The following CLCN2 variants were observed in gnomAD, a reference collection of about 807,000 sequenced individuals.
The protein encoded by CLCN2 is chloride voltage-gated channel 2, also known as chloride channel protein 2.
A neutral mutation model predicts 108.3 loss-of-function variants in CLCN2; 72 were observed. That is an observed-to-expected ratio of 0.66 (90% CI 0.55 to 0.81). The LOEUF is 0.81. Among genes scored for constraint, CLCN2 ranks in the 30% least tolerant of loss-of-function variants. The pLI is 0.00. For missense variants in CLCN2, 1,048 were observed against 1,205.2 expected (o/e 0.87, Z 1.93); for synonymous variants, 471 against 467.1 (o/e 1.01, Z -0.11).
At position 184,346,867 on chromosome 3, in the gene CLCN2, G is replaced by A; in HGVS notation, c.2503-67C>T. The A allele has an allele frequency of 6.2e-7, 1 of 1,611,638 alleles. No homozygotes were observed. The highest frequency in any genetic ancestry group is 8.5e-7 in the Non-Finnish European group (1 of 1,177,744). ...GACTCCTCCCCGCCTTCCTCCCCAG[G>A]TGAGCTGGACATAAGCCTCCATGAC... On this transcript the variant is annotated intron_variant, in intron 23 of 23. Coordinates refer to ENST00000265593, the MANE Select transcript of CLCN2 (RefSeq NM_004366.6). This position sits in a 1 kb window ranked among gnomAD's most constrained non-coding sequence, Gnocchi z 6.0.
At chr3:184,349,745 G>A (rs1727957314) in intron 22 of CLCN2, among the ~76,000 whole-genome samples, 2 of 152,148 alleles carry the variant, frequency 1.3e-5, no homozygotes, top group Non-Finnish European at 2.9e-5. Context: ...TTTACAGATC[G>A]GGAAAGTGAA....
At chr3:184,351,422 G>A (rs879739467) in intron 22 of CLCN2, among the ~76,000 whole-genome samples, 6 of 152,110 alleles carry the variant, frequency 3.9e-5, no homozygotes, top group African/African-American at 7.2e-5. Context: ...GTTCCTCGCC[G>A]CATTTCTGCA....
chr3:184,351,389 G>A (rs998881625), intron 22 of CLCN2, among the ~76,000 whole-genome samples: 2 of 152,066 alleles, frequency 1.3e-5, no homozygotes, highest in Admixed American at 6.5e-5. Flanking sequence ...GGTCTGCCTC[G>A]CCCACCCCAG....
intron 14 of CLCN2, 107 bp downstream of exon 14, chr3:184,354,441 T>C: frequency 7.6e-7 from 1 of 1,319,904 alleles, no homozygotes; most frequent in Non-Finnish European, 1.1e-6. Context: ...CCTGTGCATC[T>C]GAGGGAAGCC....
Position 184,352,006 on chromosome 3 carries a change from G to C in CLCN2, c.2415+7C>G. 6.2e-7 allele frequency: 1 copy of C among 1,608,294 alleles called. No homozygotes were observed. The highest frequency in any genetic ancestry group is 8.5e-7 in the Non-Finnish European group (1 of 1,175,280). ...AGACCAGCCCTGGGCCAGGCTGCTG[G>C]CCCTACCTTGTGCAAAGAGGTCCGC... is the stretch of plus-strand genomic sequence containing the variant. On this transcript the variant is annotated splice_region_variant and intron_variant, in intron 22 of 23. Transcript: ENST00000265593.
rs1386502821 is a variant in CLCN2 at position 184,358,652 on chromosome 3, AG to A, written c.352+29del. On this transcript the variant is annotated intron_variant, in intron 3 of 23. Transcript: ENST00000265593. Reference sequence around the variant, plus strand: ...GCATGGACGCAGGAGGTTTATTCCCAGTCCTCCCCCTGCCAGCTGTCACCCT... The same window carrying A: ...GCATGGACGCAGGAGGTTTATTCCCATCCTCCCCCTGCCAGCTGTCACCCT... The A allele has an allele frequency of 1.9e-6, 3 of 1,557,228 alleles. No individual in the cohort carries two copies. In the African/African-American group the frequency reaches 4.1e-5, roughly 21 times the overall value.
chr3:184,353,568 G>A (rs1728298901), intron 16 of CLCN2, 94 bp downstream of exon 16: 2 of 1,575,728 alleles, frequency 1.3e-6, no homozygotes, highest in South Asian at 1.1e-5. Context: ...CATTCCCTTT[G>A]GAACCAAGGA....
At chr3:184,352,408 T>C (rs1728178836) in intron 20 of CLCN2, 35 bp downstream of exon 20, 1 of 1,612,986 alleles carries the variant, frequency 6.2e-7, no homozygotes, top group Non-Finnish European at 8.5e-7. Context: ...CCCTGCCCGG[T>C]GCCGCCGAGA....
intron 1 of CLCN2, among the ~76,000 whole-genome samples, chr3:184,359,427 G>A (rs1197003968): frequency 1.3e-5 from 2 of 152,192 alleles, no homozygotes; most frequent in African/African-American, 2.4e-5. Context: ...GAGTGAGAGG[G>A]AAGCCCCAGA....
rs1728589184 is a variant in CLCN2, at chr3:184,356,837, A to G, written c.1085+156T>C. The stretch of plus-strand genomic sequence containing the variant: ...CAATTTTCAGGTAATTCATATGAAT[A>G]TAAAAATGCTCAGTCAGCCTGGAAA... On this transcript the variant is annotated intron_variant, in intron 10 of 23. Transcript: ENST00000265593. The G allele has an allele frequency of 9.0e-6, 6 of 666,314 alleles. No individual in the cohort carries two copies. In the South Asian group the frequency reaches 9.8e-5, roughly 11 times the overall value. The allele number at this position is 666,314 out of a possible 1,614,324, so 41.3% of individuals were successfully genotyped here. A position where few individuals can be genotyped will look rare whatever the true frequency, so the allele number is the denominator to read the frequency against.
chr3:184,349,002 C>T (rs1003935754), intron 22 of CLCN2: 1 of 152,202 alleles, frequency 6.6e-6, no homozygotes, highest in Non-Finnish European at 1.5e-5. Context: ...ACAGCCCAGA[C>T]TCCCTAGAAG....
rs1411066563 is a variant in CLCN2 at position 184,361,578 on chromosome 3, G to A, written c.-99C>T. 7.3e-6 allele frequency: 10 copies of A among 1,376,174 alleles called. No individual in the cohort carries two copies. Among genetic ancestry groups the A allele is most frequent in the Admixed American group, 3.7e-5 (2 of 53,430 alleles). The allele number at this position is 1,376,174 out of a possible 1,614,324, so 85.2% of individuals were successfully genotyped here. ...CCGCGCCGGCAGCCGTCCCGTCCCC[G>A]CAGCCCGGGAGGCCGAGAGCAGAGT... is the stretch of plus-strand genomic sequence containing the variant. On this transcript the variant is annotated 5_prime_UTR_variant, in exon 1 of 24. Coordinates refer to ENST00000265593, the MANE Select transcript of CLCN2 (RefSeq NM_004366.6). The surrounding 1 kb of genome is among the most constrained non-coding windows in gnomAD (Gnocchi z 6.6).
intron 7 of CLCN2, 24 bp from the exon 8 acceptor site, chr3:184,357,511 A>G: frequency 6.2e-7 from 1 of 1,614,136 alleles, no homozygotes; most frequent in Non-Finnish European, 8.5e-7. Context: ...GGAGACCAGC[A>G]CTTGAGGCCT....
chr3:184,354,843 G>C (rs916266541), intron 13 of CLCN2, 61 bp downstream of exon 13: 11 of 1,533,842 alleles, frequency 7.2e-6, no homozygotes, highest in Admixed American at 3.3e-5. Flanking sequence ...AGGGTTGGCT[G>C]GGGGGGTGGC....
intron 1 of CLCN2, among the ~76,000 whole-genome samples, chr3:184,360,113 T>G: frequency 6.7e-6 from 1 of 148,768 alleles, no homozygotes; most frequent in Middle Eastern, 3.4e-3. Flanking sequence ...GGCGAAGGGA[T>G]GGAGAAGAGA....
chr3:184,354,305 G>A lies in CLCN2; in HGVS notation c.1517C>T (p.Ala506Val), dbSNP rs769768770. The change falls in exon 15 of 24, where the codon GCG (alanine) becomes GTG (valine). Residue 506 changes from alanine (A) to valine (V), a missense_variant. By Grantham distance (64) the Ala-to-Val change is moderately conservative (BLOSUM62 0). Coordinates refer to ENST00000265593, the MANE Select transcript of CLCN2 (RefSeq NM_004366.6). ...PGGYAVVGAA[A>V]LAGAVTHTVS... ...TGTGTGTGTCACCGCTCCTGCCAGC[G>A]CAGCTGCCCCTGGGGACAGTCACAC... 23 of 1,612,912 alleles carry A rather than the reference G, an allele frequency of 1.4e-5. No individual in the cohort carries two copies. The highest frequency in any genetic ancestry group is 2.7e-5 in the African/African-American group (2 of 74,872).
In CLCN2 at chr3:184,355,805, G is replaced by A. The variant is rs367548836; in HGVS notation, c.1086-27C>T. 23 of 1,605,344 alleles carry A rather than the reference G, an allele frequency of 1.4e-5. No homozygotes were observed. Among genetic ancestry groups the A allele is most frequent in the African/African-American group, 9.4e-5 (7 of 74,746 alleles). ...TAGAGTCGTAGGTTTCACATCAGTC[G>A]TGGGTGGCCAAGGGCTGGGTGGCCT... On this transcript the variant is annotated intron_variant, in intron 10 of 23. Transcript: ENST00000265593. The surrounding 1 kb of genome is among the most constrained non-coding windows in gnomAD (Gnocchi z 6.3).
chr3:184,352,046 G>A lies in CLCN2; in HGVS notation c.2382C>T (p.Pro794=), dbSNP rs1188850838. 1.2e-6 allele frequency: 2 copies of A among 1,613,730 alleles called. No individual in the cohort carries two copies. Among genetic ancestry groups the A allele is most frequent in the Non-Finnish European group, 1.7e-6 (2 of 1,179,908 alleles). The change falls in exon 22 of 24, where the codon CCC becomes CCT. Residue 794 remains proline, a synonymous_variant. Coordinates refer to ENST00000265593, the MANE Select transcript of CLCN2 (RefSeq NM_004366.6). The part of the protein sequence containing the change: ...NFSDCKIDPA[P]FQLVERTSLH... ...AAGAGGTCCGCTCCACCAGCTGGAA[G>A]GGAGCAGGATCAATTTTGCAGTCAC...
In CLCN2 at chr3:184,357,848, A is replaced by G; in HGVS notation, c.624T>C (p.Phe208=). 1.2e-6 allele frequency: 2 copies of G among 1,613,946 alleles called. No individual in the cohort carries two copies. The highest frequency in any genetic ancestry group is 1.7e-6 in the Non-Finnish European group (2 of 1,180,032). ...CAGCACACATGCTTGCGATATGCAC[A>G]AAAGGGCCCTGCGGGGTGGGGCAGG... The part of the protein sequence containing the change: ...SGMPLGKEGP[F]VHIASMCAAL... The change falls in exon 6 of 24, where the codon TTT becomes TTC. Residue 208 remains phenylalanine, a synonymous_variant. Coordinates refer to ENST00000265593, the MANE Select transcript of CLCN2 (RefSeq NM_004366.6).
Sources: allele counts gnomAD v4.1 joint callset (sites outside exome capture counted in the v4.1 genomes callset), GRCh38; gene constraint gnomAD v4.1.1; non-coding constraint Gnocchi (gnomAD v3.1); transcripts MANE v1.5; gene names NCBI Gene and HGNC (gene_info 2026-07-23, HGNC 2026-07-21).